The following PTGES3 variants were observed in gnomAD, a reference collection of about 807,000 sequenced individuals.
PTGES3 encodes the protein prostaglandin E synthase 3.
PTGES3 carries 5 observed loss-of-function variants against 29.9 expected under a neutral mutation model. That is an observed-to-expected ratio of 0.17 (90% CI 0.09 to 0.35). The LOEUF is 0.35. Among genes scored for constraint, PTGES3 ranks in the 10% least tolerant of loss-of-function variants. The probability of loss-of-function intolerance (pLI) is 1.00; values close to 1 mark genes in which losing one functional copy is unlikely to be tolerated. For missense variants in PTGES3, 128 were observed against 190.0 expected (o/e 0.67, Z 1.92); for synonymous variants, 49 against 57.8 (o/e 0.85, Z 0.69).
intron 1 of PTGES3, among the ~76,000 whole-genome samples, chr12:56,685,251 T>C (rs78343990): frequency 0.068 from 10,352 of 152,198 alleles, 402 homozygotes; most frequent in African/African-American, 0.091. Flanking sequence ...CTTTAGCTTG[T>C]TAAGAGTCCC....
At chr12:56,666,089 T>A in intron 6 of PTGES3, 115 bp downstream of exon 6, 1 of 1,396,874 alleles carries the variant, frequency 7.2e-7, no homozygotes, top group African/African-American at 1.5e-5. Context: ...TCCCTTTTCT[T>A]TTTTTTTAGA....
chr12:56,687,694 G>T (rs910150254), intron 1 of PTGES3: 2 of 1,312,396 alleles, frequency 1.5e-6, no homozygotes, highest in Admixed American at 3.9e-5. Context: ...GCTACCGGGA[G>T]CTTAAGGCCT....
At chr12:56,683,528 G>A (rs965460322) in intron 1 of PTGES3, among the ~76,000 whole-genome samples, 1 of 146,946 alleles carries the variant, frequency 6.8e-6, no homozygotes, top group African/African-American at 2.5e-5. Context: ...GCAGGCACCT[G>A]GAATCCCAGC....
intron 1 of PTGES3, among the ~76,000 whole-genome samples, chr12:56,685,358 G>A (rs1305723948): frequency 1.3e-5 from 2 of 150,910 alleles, no homozygotes; most frequent in Non-Finnish European, 2.9e-5. Flanking sequence ...CTCTTCAAGT[G>A]GCATTGAATC....
intron 1 of PTGES3, chr12:56,686,806 T>C (rs1952884942): frequency 2.5e-6 from 1 of 398,348 alleles, no homozygotes; most frequent in Non-Finnish European, 4.4e-6. Flanking sequence ...CGCATCCCTT[T>C]AGATTTCTAG....
At chr12:56,676,920 CAA>C (rs34739170) in intron 1 of PTGES3, among the ~76,000 whole-genome samples, 63 of 50,546 alleles carry the variant, frequency 1.2e-3, no homozygotes, top group East Asian at 5.1e-3. Context: ...GATTCCGACT[CAA>C]AAAAAAAAAA....
At chr12:56,670,234 G>A (rs773423417) in intron 5 of PTGES3, 41 bp downstream of exon 5, 50 of 1,310,094 alleles carry the variant, frequency 3.8e-5, no homozygotes, top group African/African-American at 5.8e-5. Flanking sequence ...GACAGGTACC[G>A]TGTGCTTCGA....
intron 1 of PTGES3, 130 bp downstream of exon 1, chr12:56,687,868 A>T: frequency 1.3e-6 from 2 of 1,550,744 alleles, no homozygotes; most frequent in Non-Finnish European, 1.7e-6. Context: ...AGGATCCTGG[A>T]CCTCCCGCCC....
chr12:56,679,199 CAGG>C (rs1465838213), intron 1 of PTGES3, among the ~76,000 whole-genome samples: 4 of 152,022 alleles, frequency 2.6e-5, no homozygotes, highest in Non-Finnish European at 5.9e-5. Context: ...TACTGGAGGC[CAGG>C]AGTTCAAACC....
intron 1 of PTGES3, among the ~76,000 whole-genome samples, chr12:56,683,544 A>G (rs570820779): frequency 1.4e-5 from 2 of 147,536 alleles, no homozygotes; most frequent in African/African-American, 4.9e-5. Flanking sequence ...CCAGCTACTC[A>G]GGAAGCTGAG....
intron 5 of PTGES3, among the ~76,000 whole-genome samples, chr12:56,669,497 G>C (rs955831573): frequency 6.6e-6 from 1 of 152,114 alleles, no homozygotes; most frequent in African/African-American, 2.4e-5. Flanking sequence ...TGGTCAGGCT[G>C]GTCTTGAACT....
chr12:56,680,296 C>T (rs1164791012), intron 1 of PTGES3, among the ~76,000 whole-genome samples: 1 of 151,646 alleles, frequency 6.6e-6, no homozygotes, highest in African/African-American at 2.4e-5. Flanking sequence ...AGGCTGGTCT[C>T]GAACTCGGCC....
intron 1 of PTGES3, among the ~76,000 whole-genome samples, chr12:56,684,163 TC>T (rs1565878712): frequency 1.3e-5 from 2 of 152,040 alleles, no homozygotes; most frequent in Non-Finnish European, 2.9e-5. Context: ...AGGTTTTTTT[TC>T]CCCTGAAAAG....
At chr12:56,676,143 G>T in intron 1 of PTGES3, among the ~76,000 whole-genome samples, 1 of 150,566 alleles carries the variant, frequency 6.6e-6, no homozygotes. Flanking sequence ...GGGAGGGGGA[G>T]GGGGAGGTGG....
chr12:56,677,345 T>G (rs959084453), intron 1 of PTGES3, among the ~76,000 whole-genome samples: 4 of 151,918 alleles, frequency 2.6e-5, no homozygotes, highest in African/African-American at 9.7e-5. Flanking sequence ...ATAAAATAAC[T>G]CGCTAGGACA....
At chr12:56,685,426 A>C (rs1388332335) in intron 1 of PTGES3, among the ~76,000 whole-genome samples, 1 of 137,226 alleles carries the variant, frequency 7.3e-6, no homozygotes, top group Non-Finnish European at 1.5e-5. Context: ...TTTTTAAGAC[A>C]GTCTCGCTGT....
intron 6 of PTGES3, chr12:56,665,863 C>T: frequency 1.1e-6 from 1 of 888,242 alleles, no homozygotes; most frequent in Non-Finnish European, 1.4e-6. Flanking sequence ...CTCCTGACCT[C>T]ACGTACTCTG....
intron 1 of PTGES3, among the ~76,000 whole-genome samples, chr12:56,681,109 C>T (rs1236209922): frequency 6.6e-6 from 1 of 151,954 alleles, no homozygotes; most frequent in African/African-American, 2.4e-5. Context: ...TTTGTTTGGA[C>T]AGAGTTTTTG....
intron 1 of PTGES3, among the ~76,000 whole-genome samples, chr12:56,675,986 T>A (rs1952220726): frequency 6.6e-6 from 1 of 151,942 alleles, no homozygotes; most frequent in Non-Finnish European, 1.5e-5. Context: ...CAGCACTTTG[T>A]GAGGCCAAGG....
Sources: allele counts gnomAD v4.1 joint callset (sites outside exome capture counted in the v4.1 genomes callset), GRCh38; gene constraint gnomAD v4.1.1; transcripts MANE v1.5; gene names NCBI Gene and HGNC (gene_info 2026-07-23, HGNC 2026-07-21).